Variants in XYLT1 observed in about 807,000 individuals in gnomAD.
The protein encoded by XYLT1 is xylosyltransferase 1.
A neutral mutation model predicts 91.3 loss-of-function variants in XYLT1; 36 were observed. The ratio of observed to expected loss-of-function variants is 0.39; its 90% CI spans 0.30 to 0.52. The LOEUF is 0.52. Among genes scored for constraint, XYLT1 ranks in the 20% least tolerant of loss-of-function variants. The pLI is 0.68. For synonymous variants in XYLT1, 588 were observed against 532.0 expected, an observed-to-expected ratio of 1.11 and a Z score of -1.45; for missense variants, 1,242 against 1,284.5, an observed-to-expected ratio of 0.97 and a Z score of 0.51.
At position 17,146,527 on chromosome 16, in the gene XYLT1, C is replaced by A. The variant is rs950782759; in HGVS notation, c.1371-5158G>T. Among the ~76,000 whole-genome samples the A allele has an allele frequency of 9.9e-5, 15 of 151,982 alleles. 1 individual carries two copies. Among genetic ancestry groups the A allele is most frequent in the Admixed American group, 3.3e-4 (5 of 15,268 alleles). The stretch of plus-strand genomic sequence containing the variant: ...AGATAATGGAAGCGTGTGAAGCAGC[C>A]TGAATACGAAAAAACAAGGACTGAT... On this transcript the variant is annotated intron_variant, in intron 6 of 11. Transcript: ENST00000261381.
At chr16:17,248,902 T>C (rs1186532734) in intron 3 of XYLT1, among the ~76,000 whole-genome samples, 3 of 151,910 alleles carry the variant, frequency 2.0e-5, no homozygotes, top group Non-Finnish European at 4.4e-5. Flanking sequence ...AATTTTTGTA[T>C]TTTTAGGAGA....
At chr16:17,402,389 T>C (rs547420527) in intron 1 of XYLT1, among the ~76,000 whole-genome samples, 2 of 151,876 alleles carry the variant, frequency 1.3e-5, no homozygotes, top group Admixed American at 1.3e-4. Context: ...GTGTACACAG[T>C]TTAAAACAAT....
At chr16:17,371,317 C>T (rs992275720) in intron 1 of XYLT1, among the ~76,000 whole-genome samples, 1 of 152,222 alleles carries the variant, frequency 6.6e-6, no homozygotes, top group Non-Finnish European at 1.5e-5. Context: ...ACATAGAAAG[C>T]ACTTGGTAAA....
rs769447212 is a variant in XYLT1, at chr16:17,332,429, G to T, written c.402+25583C>A. On this transcript the variant is annotated intron_variant, in intron 2 of 11. Transcript: ENST00000261381. ...ATACAAAAATTAGCCGGGCGTGGTG[G>T]TGTGCTCCTGTAATCCCAGCTACTC... is the stretch of plus-strand genomic sequence containing the variant. Among the ~76,000 whole-genome samples the T allele has an allele frequency of 5.3e-5, 8 of 152,102 alleles. No homozygotes were observed. In the East Asian group the frequency reaches 1.5e-3, roughly 29 times the overall value.
chr16:17,245,944 C>G (rs1217648921), intron 3 of XYLT1, among the ~76,000 whole-genome samples: 1 of 152,202 alleles, frequency 6.6e-6, no homozygotes, highest in Non-Finnish European at 1.5e-5. Context: ...GCGCCCCCGC[C>G]TCCAAAAGCA....
At chr16:17,458,088 C>T (rs1355000553) in intron 1 of XYLT1, among the ~76,000 whole-genome samples, 2 of 152,128 alleles carry the variant, frequency 1.3e-5, no homozygotes, top group African/African-American at 2.4e-5. Context: ...ATTTTATGAA[C>T]GTGAGTCTGG....
intron 1 of XYLT1, among the ~76,000 whole-genome samples, chr16:17,409,565 T>TC (rs1166287510): frequency 6.7e-6 from 1 of 149,610 alleles, no homozygotes; most frequent in Admixed American, 6.6e-5. Context: ...TTTTTTTTTT[T>TC]TTTAGATGGA....
chr16:17,457,128 G>A (rs887264968), intron 1 of XYLT1, among the ~76,000 whole-genome samples: 6 of 152,044 alleles, frequency 3.9e-5, no homozygotes, highest in African/African-American at 1.2e-4. Context: ...TTCTTAATAG[G>A]CACTCTAAAT....
At chr16:17,255,130 G>A (rs1349847185) in intron 3 of XYLT1, among the ~76,000 whole-genome samples, 1 of 151,494 alleles carries the variant, frequency 6.6e-6, no homozygotes. Context: ...TAGAGTAGCT[G>A]GGATTACAGG....
intron 1 of XYLT1, among the ~76,000 whole-genome samples, chr16:17,379,732 C>CTT (rs1191986108): frequency 2.1e-5 from 2 of 96,820 alleles, no homozygotes; most frequent in African/African-American, 1.0e-4. Flanking sequence ...AAGGATATCT[C>CTT]TCTCTCTCTC....
intron 3 of XYLT1, among the ~76,000 whole-genome samples, chr16:17,244,353 A>C (rs113274799): frequency 1.4e-4 from 22 of 152,276 alleles, no homozygotes; most frequent in African/African-American, 4.8e-4. Context: ...GGGATCTCGG[A>C]GGACTAGGCA....
chr16:17,233,257 C>T (rs1440477659), intron 3 of XYLT1, among the ~76,000 whole-genome samples: 1 of 152,216 alleles, frequency 6.6e-6, no homozygotes, highest in Non-Finnish European at 1.5e-5. Context: ...AGCCTCAAAA[C>T]ACTCAGAAAA....
intron 1 of XYLT1, among the ~76,000 whole-genome samples, chr16:17,381,306 T>C (rs1272393627): frequency 6.6e-6 from 1 of 152,160 alleles, no homozygotes; most frequent in Non-Finnish European, 1.5e-5. Context: ...AATTTTACAC[T>C]TTGAATATGC....
chr16:17,138,193 T>TAAAC (rs1213862946), intron 8 of XYLT1, 162 bp downstream of exon 8: 8 of 786,082 alleles, frequency 1.0e-5, no homozygotes, highest in East Asian at 5.4e-5. Context: ...AAGTGCTCAA[T>TAAAC]AAACACTGGC....
rs550268769 is a variant in XYLT1, at chr16:17,426,097, T to C, written c.363+44337A>G. Reference sequence around the variant, plus strand: ...TATCTATCTGTTTAACAAATATTCATGGAGCACATACTAAGTGCTAGGGAC... The same window carrying C: ...TATCTATCTGTTTAACAAATATTCACGGAGCACATACTAAGTGCTAGGGAC... On this transcript the variant is annotated intron_variant, in intron 1 of 11. Coordinates refer to ENST00000261381, the MANE Select transcript of XYLT1 (RefSeq NM_022166.4). Among the ~76,000 whole-genome samples, 34 of 152,310 alleles carry C rather than the reference T, an allele frequency of 2.2e-4. No individual in the cohort carries two copies. In the South Asian group the frequency reaches 6.0e-3, roughly 27 times the overall value.
At chr16:17,204,448 C>G (rs566864172) in intron 3 of XYLT1, among the ~76,000 whole-genome samples, 2 of 145,594 alleles carry the variant, frequency 1.4e-5, no homozygotes, top group Non-Finnish European at 3.0e-5. Flanking sequence ...AAACCCAGAG[C>G]TCTTCTGAGT....
chr16:17,213,086 C>G (rs1472025354), intron 3 of XYLT1, among the ~76,000 whole-genome samples: 1 of 152,080 alleles, frequency 6.6e-6, no homozygotes, highest in Non-Finnish European at 1.5e-5. Context: ...GGAGGTGGGA[C>G]CTGGTGGGAG....
At chr16:17,360,787 G>T (rs1052094441) in intron 1 of XYLT1, among the ~76,000 whole-genome samples, 1 of 152,120 alleles carries the variant, frequency 6.6e-6, no homozygotes, top group Non-Finnish European at 1.5e-5. Flanking sequence ...GTCTAAATTG[G>T]GACTCTTTGG....
chr16:17,470,309 G>T, intron 1 of XYLT1, 125 bp downstream of exon 1: 1 of 1,132,254 alleles, frequency 8.8e-7, no homozygotes. Context: ...GGCAAGAGGC[G>T]ATGTGGAGTC....
Sources: allele counts gnomAD v4.1 joint callset (sites outside exome capture counted in the v4.1 genomes callset), GRCh38; gene constraint gnomAD v4.1.1; transcripts MANE v1.5; gene names NCBI Gene and HGNC (gene_info 2026-07-23, HGNC 2026-07-21).